CHRNA7: variants seen among roughly 807,000 people sequenced by gnomAD.
The protein encoded by CHRNA7 is cholinergic receptor nicotinic alpha 7 subunit.
A neutral mutation model predicts 48.0 loss-of-function variants in CHRNA7; 17 were observed. That is an observed-to-expected ratio of 0.35 (90% confidence interval 0.24 to 0.53). CHRNA7 has a LOEUF of 0.53. Ranked by LOEUF, CHRNA7 falls within the 20% of genes least tolerant of loss-of-function variation. The pLI is 0.92. For synonymous variants in CHRNA7, 75 were observed against 242.3 expected, an observed-to-expected ratio of 0.31 and a Z score of 6.41; for missense variants, 155 against 577.7, an observed-to-expected ratio of 0.27 and a Z score of 7.50.
At chr15:32,064,777 TGTC>T (rs2049938523) in intron 2 of CHRNA7, among the ~76,000 whole-genome samples, 1 of 152,130 alleles carries the variant, frequency 6.6e-6, no homozygotes, top group East Asian at 1.9e-4. Flanking sequence ...CCACCTCTGT[TGTC>T]AGTATGCATC....
intron 3 of CHRNA7, among the ~76,000 whole-genome samples, chr15:32,106,767 C>T (rs1304265501): frequency 6.6e-6 from 1 of 152,216 alleles, no homozygotes; most frequent in Non-Finnish European, 1.5e-5. Flanking sequence ...TTTGATGTCC[C>T]AGCCTTCCTG....
Position 32,030,557 on chromosome 15 carries a change from G to A in CHRNA7, c.-38G>A. ...CGCAGGCCCGGGCGACAGCCGAGACGTGGAGCGCGCCGGCTCGCTGCAGCT... is the reference window on the plus strand; with the variant it reads ...CGCAGGCCCGGGCGACAGCCGAGACATGGAGCGCGCCGGCTCGCTGCAGCT... On this transcript the variant is annotated 5_prime_UTR_variant, in exon 1 of 10. It adds an upstream start codon to the 5' untranslated region. Transcript: ENST00000306901. 1 of 1,456,826 alleles carries A rather than the reference G, an allele frequency of 6.9e-7. No homozygotes were observed. The highest frequency in any genetic ancestry group is 9.0e-7 in the Non-Finnish European group (1 of 1,110,472). 90.2% of individuals were successfully genotyped at this position (1,456,826 alleles called of 1,614,324 possible).
At chr15:32,074,915 C>G (rs143116356) in intron 2 of CHRNA7, among the ~76,000 whole-genome samples, 1 of 152,056 alleles carries the variant, frequency 6.6e-6, no homozygotes, top group Non-Finnish European at 1.5e-5. Flanking sequence ...TCCCAAAGTG[C>G]TAGGATTACA....
At chr15:32,032,236 TATC>T (rs1460552585) in intron 2 of CHRNA7, among the ~76,000 whole-genome samples, 1 of 152,202 alleles carries the variant, frequency 6.6e-6, no homozygotes, top group Non-Finnish European at 1.5e-5. Context: ...GTGGAAAAGT[TATC>T]ATGAGAAGAG....
At chr15:32,123,488 TATG>T (rs2051009957) in intron 4 of CHRNA7, among the ~76,000 whole-genome samples, 1 of 152,144 alleles carries the variant, frequency 6.6e-6, no homozygotes, top group African/African-American at 2.4e-5. Context: ...CTGGCATGGG[TATG>T]AACATTATTT....
Position 32,109,269 on chromosome 15 carries a change from G to A in CHRNA7, c.241-2521G>A, listed in dbSNP as rs181030531. 3.6e-3 allele frequency among the ~76,000 whole-genome samples: 548 copies of A among 152,276 alleles called. 4 individuals carry two copies. The highest frequency in any genetic ancestry group is 6.1e-3 in the Non-Finnish European group (413 of 68,022). ...TGCCTTGGCATTTCTAAACTGTCAT[G>A]GAGCTGGTGGGAGTGTAGCCATGAG... is the stretch of plus-strand genomic sequence containing the variant. On this transcript the variant is annotated intron_variant, in intron 3 of 9. Coordinates refer to ENST00000306901, the MANE Select transcript of CHRNA7 (RefSeq NM_000746.6).
chr15:32,034,635 G>T (rs1313350066), intron 2 of CHRNA7, among the ~76,000 whole-genome samples: 1 of 152,152 alleles, frequency 6.6e-6, no homozygotes, highest in South Asian at 2.1e-4. Flanking sequence ...CAGGGGTTTT[G>T]TGAAGCTGTA....
At position 32,101,184 on chromosome 15, in the gene CHRNA7, A is replaced by G. The variant is rs762747625; in HGVS notation, c.196-119A>G. 150 of 1,022,836 alleles carry G rather than the reference A, an allele frequency of 1.5e-4. No homozygotes were observed. The Middle Eastern group carries it at 1.9e-3, about 13-fold the overall frequency. 63.4% of individuals were successfully genotyped at this position (1,022,836 alleles called of 1,614,324 possible). A position where few individuals can be genotyped will look rare whatever the true frequency, so the allele number is the denominator to read the frequency against. Reference sequence around the variant, plus strand: ...TGCATATATTGGAAGTGCTTGGTGCATTCTAATTTCCACACACAACAACGC... The same window carrying G: ...TGCATATATTGGAAGTGCTTGGTGCGTTCTAATTTCCACACACAACAACGC... On this transcript the variant is annotated intron_variant, in intron 2 of 9. Transcript: ENST00000306901.
intron 2 of CHRNA7, among the ~76,000 whole-genome samples, chr15:32,041,801 T>C (rs1377499817): frequency 6.6e-6 from 1 of 152,204 alleles, no homozygotes; most frequent in Admixed American, 6.5e-5. Context: ...GCCTATCAAA[T>C]ATATTCTTTA....
chr15:32,074,257 T>G (rs1315875527), intron 2 of CHRNA7, among the ~76,000 whole-genome samples: 1 of 150,508 alleles, frequency 6.6e-6, no homozygotes, highest in East Asian at 2.0e-4. Context: ...TTATGTCTTC[T>G]GCAAACAGCC....
rs907318996 is a variant in CHRNA7, at chr15:32,170,622, CAAA to C, written c.*2165_*2167del. ...ACAAGTTGTGCATATTTTGGACTCTCAAATAACTTCTCTGTCCTTTAATAAAGT... is the reference window on the plus strand; with the variant it reads ...ACAAGTTGTGCATATTTTGGACTCTCTAACTTCTCTGTCCTTTAATAAAGT... On this transcript the variant is annotated 3_prime_UTR_variant, in exon 10 of 10. Coordinates refer to ENST00000306901, the MANE Select transcript of CHRNA7 (RefSeq NM_000746.6). The C allele has an allele frequency of 7.8e-6, 1 of 127,570 alleles. No individual in the cohort carries two copies. The highest frequency in any genetic ancestry group is 2.7e-5 in the African/African-American group (1 of 37,214). 7.9% of individuals were successfully genotyped at this position (127,570 alleles called of 1,614,324 possible).
chr15:32,120,003 G>A (rs1010906765), intron 4 of CHRNA7, among the ~76,000 whole-genome samples: 16 of 152,316 alleles, frequency 1.1e-4, no homozygotes, highest in African/African-American at 3.6e-4. Context: ...GCAGCTCCTG[G>A]TCTTCAGCAC....
intron 5 of CHRNA7, chr15:32,156,761 G>A (rs1360984579): frequency 8.9e-6 from 1 of 112,956 alleles, no homozygotes; most frequent in Non-Finnish European, 2.0e-5. Flanking sequence ...TTGTTTGTTT[G>A]TTTGTTTTAA....
At chr15:32,079,914 C>T (rs182449921) in intron 2 of CHRNA7, among the ~76,000 whole-genome samples, 2 of 152,280 alleles carry the variant, frequency 1.3e-5, no homozygotes, top group African/African-American at 2.4e-5. Flanking sequence ...TACAGTGCTA[C>T]AGTAACCAAA....
At chr15:32,060,666 G>A (rs369645605) in intron 2 of CHRNA7, among the ~76,000 whole-genome samples, 1 of 152,190 alleles carries the variant, frequency 6.6e-6, no homozygotes, top group South Asian at 2.1e-4. Context: ...AAATGTTCCA[G>A]CTATGGCCAC....
intron 2 of CHRNA7, among the ~76,000 whole-genome samples, chr15:32,057,969 G>A (rs1359994189): frequency 6.6e-6 from 1 of 152,162 alleles, no homozygotes; most frequent in Non-Finnish European, 1.5e-5. Flanking sequence ...ATCTGTCCTG[G>A]AGGCTTCCCT....
In CHRNA7 at chr15:32,114,044, G is replaced by GTATA. The variant is rs1321921481; in HGVS notation, c.350+2158_350+2161dup. 2.9e-3 allele frequency among the ~76,000 whole-genome samples: 184 copies of GTATA among 63,596 alleles called. 1 individual carries two copies. Among genetic ancestry groups the GTATA allele is most frequent in the African/African-American group, 9.6e-3 (168 of 17,488 alleles). The allele number at this position is 63,596 out of a possible 152,430, so 41.7% of individuals were successfully genotyped here. On this transcript the variant is annotated intron_variant, in intron 4 of 9. Coordinates refer to ENST00000306901, the MANE Select transcript of CHRNA7 (RefSeq NM_000746.6). ...AATATATATATATATATATATATAT[G>GTATA]TATATATATATATATACATATATAT...
chr15:32,112,019 C>T (rs1419564481), intron 4 of CHRNA7, 120 bp downstream of exon 4: 2 of 717,580 alleles, frequency 2.8e-6, no homozygotes, highest in Non-Finnish European at 4.9e-6. Flanking sequence ...GGCCACTGCT[C>T]CCTACACGGC....
chr15:32,065,722 G>A (rs1249869771), intron 2 of CHRNA7, among the ~76,000 whole-genome samples: 5 of 152,156 alleles, frequency 3.3e-5, no homozygotes, highest in African/African-American at 1.2e-4. Flanking sequence ...CTGCCTGGCT[G>A]TGTGCGGAAG....
Sources: gnomAD v4.1 joint callset for allele counts (sites outside exome capture counted in the v4.1 genomes callset) on GRCh38, gnomAD v4.1.1 for gene constraint, MANE v1.5 for transcripts, NCBI Gene and HGNC (gene_info 2026-07-23, HGNC 2026-07-21) for gene names.